AHNAK: variants seen among roughly 807,000 people sequenced by gnomAD.
AHNAK encodes the protein AHNAK nucleoprotein.
In AHNAK, 23 loss-of-function variants were observed where a neutral mutation model predicts 37.8. The ratio of observed to expected loss-of-function variants is 0.61; its 90% CI spans 0.44 to 0.86. AHNAK has a LOEUF of 0.86. AHNAK is among the 40% of genes least tolerant of loss of function. The pLI is 0.00. For synonymous variants in AHNAK, 2,481 were observed against 2,636.3 expected (o/e 0.94, Z 1.80); for missense variants, 7,411 against 7,319.4 (o/e 1.01, Z -0.46).
intron 5 of AHNAK, among the ~76,000 whole-genome samples, chr11:62,457,560 C>G (rs1052933666): frequency 6.6e-6 from 1 of 152,014 alleles, no homozygotes; most frequent in African/African-American, 2.4e-5. Flanking sequence ...AACCCAGAGG[C>G]GGAGGTTGCA....
At chr11:62,446,000 A>G (rs1938416923) in intron 5 of AHNAK, among the ~76,000 whole-genome samples, 4 of 151,940 alleles carry the variant, frequency 2.6e-5, no homozygotes, top group Non-Finnish European at 5.9e-5. Flanking sequence ...AGAGCAAGAC[A>G]CTGTCTCAAA....
chr11:62,527,433 T>G lies in AHNAK; in HGVS notation c.6984A>C (p.Gly2328=). Residue 2328 remains glycine, a synonymous_variant, in exon 5 of 5, where the codon GGA becomes GGC. Transcript: ENST00000378024. ...DFNLKGPKIK[G]DVDVSAPKLE... ...GCTTTGGGGCAGAAACATCAACATC[T>G]CCTTTGATTTTGGGTCCCTTTAAAT... 6.2e-7 allele frequency: 1 copy of G among 1,613,940 alleles called. No individual in the cohort carries two copies. The highest frequency in any genetic ancestry group is 8.5e-7 in the Non-Finnish European group (1 of 1,179,948).
At position 62,518,929 on chromosome 11, in the gene AHNAK, T is replaced by C. The variant is rs1437947260; in HGVS notation, c.15488A>G (p.Lys5163Arg). The C allele has an allele frequency of 1.2e-6, 2 of 1,614,186 alleles. No individual in the cohort carries two copies. Among genetic ancestry groups the C allele is most frequent in the Non-Finnish European group, 1.7e-6 (2 of 1,180,004 alleles). Reference protein sequence around the residue: ...PKIEGDLKGPKVQANLGAPDI... With the variant: ...PKIEGDLKGPRVQANLGAPDI... ...AGGTGCACCCAAGTTTGCCTGCACTTTGGGGCCTTTCAGGTCACCCTCTAT... is the reference window on the plus strand; with the variant it reads ...AGGTGCACCCAAGTTTGCCTGCACTCTGGGGCCTTTCAGGTCACCCTCTAT... Residue 5163 changes from lysine to arginine, a missense_variant, in exon 5 of 5, where the codon AAA becomes AGA. By Grantham distance (26) the Lys-to-Arg change is conservative. Transcript: ENST00000378024.
At chr11:62,467,159 C>A (rs1938928720) in intron 5 of AHNAK, among the ~76,000 whole-genome samples, 1 of 150,220 alleles carries the variant, frequency 6.7e-6, no homozygotes, top group African/African-American at 2.5e-5. Flanking sequence ...CTATAGTAAA[C>A]CATGTTCATG....
rs965342904 is a variant in AHNAK, at chr11:62,517,759, G to A, written c.16658C>T (p.Pro5553Leu). 1.2e-6 allele frequency: 2 copies of A among 1,614,186 alleles called. No individual in the cohort carries two copies. The highest frequency in any genetic ancestry group is 3.3e-5 in the Admixed American group (2 of 60,022). ...CAAGTTGATGCCAAAATCTGACTCA[G>A]GAGATGCCATATTAAAGGCAGGCCC... ...VKGPAFNMASPESDFGINLKG... is the reference protein window; with the variant it reads ...VKGPAFNMASLESDFGINLKG... Residue 5553 changes from proline to leucine, a missense_variant, in exon 5 of 5, where the codon CCT (proline) becomes CTT (leucine). Pro to Leu is a moderately conservative substitution (Grantham distance 98). Transcript: ENST00000378024.
In AHNAK at chr11:62,528,955, A is replaced by G. The variant is rs754192468; in HGVS notation, c.5462T>C (p.Phe1821Ser). 16 of 1,613,842 alleles carry G rather than the reference A, an allele frequency of 9.9e-6. No individual in the cohort carries two copies. The highest frequency in any genetic ancestry group is 1.6e-4 in the Middle Eastern group (1 of 6,084). ...RGPQVDVKGP[F>S]VEAEVPDVDL... ...AACATCGGGCACCTCCGCTTCCACAAAAGGACCTTTGACATCAACTTGCGG... is the reference window on the plus strand; with the variant it reads ...AACATCGGGCACCTCCGCTTCCACAGAAGGACCTTTGACATCAACTTGCGG... The change falls in exon 5 of 5, where the codon TTT becomes TCT. Residue 1821 changes from phenylalanine (F) to serine (S), a missense_variant. Phe to Ser is a radical substitution (Grantham distance 155). Coordinates refer to ENST00000378024, the MANE Select transcript of AHNAK (RefSeq NM_001620.3).
chr11:62,450,441 C>T (rs1212234707), intron 5 of AHNAK, among the ~76,000 whole-genome samples: 2 of 152,130 alleles, frequency 1.3e-5, no homozygotes, highest in African/African-American at 2.4e-5. Flanking sequence ...GATCCAACTG[C>T]CTTGGCCCCC....
chr11:62,524,782 A>G lies in AHNAK; in HGVS notation c.9635T>C (p.Met3212Thr), dbSNP rs141385007. The G allele has an allele frequency of 1.2e-4, 186 of 1,614,160 alleles. 1 individual carries two copies. The African/African-American group carries it at 1.8e-3, about 15-fold the overall frequency. Residue 3212 changes from methionine to threonine, a missense_variant, in exon 5 of 5, where the codon ATG becomes ACG. Physicochemically the swap from Met to Thr is moderately conservative, Grantham distance 81. Transcript: ENST00000378024. Reference sequence around the variant, plus strand: ...TGATATTTTAGGAGCTTTGATGTTCATCTCTGGCATCTTGAATTTAGGGCC... The same window carrying G: ...TGATATTTTAGGAGCTTTGATGTTCGTCTCTGGCATCTTGAATTTAGGGCC... Reference protein sequence around the residue: ...LKGPKFKMPEMNIKAPKISMP... With the variant: ...LKGPKFKMPETNIKAPKISMP...
rs1940786040 is a variant in AHNAK at position 62,532,360 on chromosome 11, T to A, written c.2057A>T (p.Lys686Met). The A allele has an allele frequency of 6.2e-7, 1 of 1,614,186 alleles. No individual in the cohort carries two copies. Among genetic ancestry groups the A allele is most frequent in the African/African-American group, 1.3e-5 (1 of 75,038 alleles). Reference sequence around the variant, plus strand: ...TGTCTTGACACTCATATCAGGCAGCTTAACATCGGGGCCTTTAAGTTTTCC... The same window carrying A: ...TGTCTTGACACTCATATCAGGCAGCATAACATCGGGGCCTTTAAGTTTTCC... ...LGGKLKGPDVKLPDMSVKTPK... is the reference protein window; with the variant it reads ...LGGKLKGPDVMLPDMSVKTPK... The change falls in exon 5 of 5, where the codon AAG becomes ATG. Residue 686 changes from lysine to methionine, a missense_variant. By Grantham distance (95) the Lys-to-Met change is moderately conservative. Coordinates refer to ENST00000378024, the MANE Select transcript of AHNAK (RefSeq NM_001620.3).
At position 62,523,618 on chromosome 11, in the gene AHNAK, A is replaced by C; in HGVS notation, c.10799T>G (p.Leu3600Arg). The change falls in exon 5 of 5, where the codon CTG becomes CGG. Residue 3600 changes from leucine to arginine, a missense_variant. By Grantham distance (102) the Leu-to-Arg change is moderately radical (BLOSUM62 -2). Coordinates refer to ENST00000378024, the MANE Select transcript of AHNAK (RefSeq NM_001620.3). Reference sequence around the variant, plus strand: ...GGGCATTTTCACTTTGGGCATCTTCAGATGCCAGTCTGGACCATGAACATC... The same window carrying C: ...GGGCATTTTCACTTTGGGCATCTTCCGATGCCAGTCTGGACCATGAACATC... Reference protein sequence around the residue: ...DVDVHGPDWHLKMPKVKMPKF... With the variant: ...DVDVHGPDWHRKMPKVKMPKF... 1.2e-6 allele frequency: 2 copies of C among 1,614,174 alleles called. No individual in the cohort carries two copies. The highest frequency in any genetic ancestry group is 1.7e-6 in the Non-Finnish European group (2 of 1,180,022).
At chr11:62,475,444 A>G (rs1028766106) in intron 5 of AHNAK, among the ~76,000 whole-genome samples, 15 of 152,258 alleles carry the variant, frequency 9.9e-5, no homozygotes, top group African/African-American at 3.6e-4. Context: ...GTTCTCACTT[A>G]TAAGTGGGAG....
intron 4 of AHNAK, among the ~76,000 whole-genome samples, chr11:62,503,500 C>T (rs1939751028): frequency 6.6e-6 from 1 of 151,434 alleles, no homozygotes; most frequent in Non-Finnish European, 1.5e-5. Context: ...GGAGAATCAC[C>T]TGAACCCAGG....
intron 5 of AHNAK, among the ~76,000 whole-genome samples, chr11:62,447,698 C>T (rs574473777): frequency 7.7e-4 from 106 of 138,092 alleles, no homozygotes; most frequent in African/African-American, 2.5e-3. Flanking sequence ...TTATCAAGTC[C>T]GCTTGACAGC....
intron 5 of AHNAK, chr11:62,491,605 T>C (rs1271349183): frequency 8.6e-6 from 7 of 817,292 alleles, no homozygotes; most frequent in Non-Finnish European, 5.8e-6. Flanking sequence ...GCTGGGCTCC[T>C]GGGGTCCTGA....
chr11:62,536,891 G>A (rs773591342), intron 1 of AHNAK, among the ~76,000 whole-genome samples: 3 of 152,060 alleles, frequency 2.0e-5, no homozygotes, highest in Non-Finnish European at 4.4e-5. Flanking sequence ...GCACTGGCCG[G>A]CAGGAGCCGC....
At chr11:62,534,306 C>T (rs1940874076) in intron 4 of AHNAK, among the ~76,000 whole-genome samples, 2 of 152,152 alleles carry the variant, frequency 1.3e-5, no homozygotes, top group African/African-American at 2.4e-5. Context: ...AAGCAAAAAC[C>T]GTGGGGAGGG....
Position 62,521,537 on chromosome 11 carries a change from T to G in AHNAK, c.12880A>C (p.Lys4294Gln). The G allele has an allele frequency of 6.2e-7, 1 of 1,613,248 alleles. No individual in the cohort carries two copies. Among genetic ancestry groups the G allele is most frequent in the African/African-American group, 1.3e-5 (1 of 74,736 alleles). The change falls in exon 5 of 5, where the codon AAG becomes CAG. Residue 4294 changes from lysine (K) to glutamine (Q), a missense_variant. By Grantham distance (53) the Lys-to-Gln change is moderately conservative (BLOSUM62 1). Transcript: ENST00000378024. ...GDLKGPEVDI[K>Q]GPKVDIDAPD... ...GCATCGATGTCCACTTTGGGGCCCT[T>G]GATGTCAACTTCTGGGCCCTTGAGG...
At chr11:62,477,241 C>T (rs1234983502) in intron 5 of AHNAK, among the ~76,000 whole-genome samples, 1 of 152,074 alleles carries the variant, frequency 6.6e-6, no homozygotes, top group Non-Finnish European at 1.5e-5. Flanking sequence ...TTCTCATTAG[C>T]AAAAATGTGT....
chr11:62,533,539 C>T lies in AHNAK; in HGVS notation c.878G>A (p.Gly293Asp), dbSNP rs529722310. 1.9e-6 allele frequency: 3 copies of T among 1,614,142 alleles called. No homozygotes were observed. The highest frequency in any genetic ancestry group is 3.3e-5 in the Admixed American group (2 of 60,028). ...ATGATCACCACTCTCCAGAGATGGGCCCTGTACCTCTACTGCCCTACCCCC... is the reference window on the plus strand; with the variant it reads ...ATGATCACCACTCTCCAGAGATGGGTCCTGTACCTCTACTGCCCTACCCCC... The part of the protein sequence containing the change: ...SLGGRAVEVQ[G>D]PSLESGDHGK... Residue 293 changes from glycine (G) to aspartate (D), a missense_variant, in exon 5 of 5, where the codon GGC becomes GAC. Physicochemically the swap from Gly to Asp is moderately conservative, Grantham distance 94. Transcript: ENST00000378024.
Sources: gnomAD v4.1 joint callset for allele counts (sites outside exome capture counted in the v4.1 genomes callset) on GRCh38, gnomAD v4.1.1 for gene constraint, MANE v1.5 for transcripts, NCBI Gene and HGNC (gene_info 2026-07-23, HGNC 2026-07-21) for gene names.